Variants in ZBTB32 observed in about 807,000 individuals in gnomAD.
ZBTB32 encodes the protein zinc finger and BTB domain containing 32.
A neutral mutation model predicts 45.3 loss-of-function variants in ZBTB32; 28 were observed. That is an observed-to-expected ratio of 0.62 (90% CI 0.46 to 0.85). The LOEUF is 0.85. Among genes scored for constraint, ZBTB32 ranks in the 40% least tolerant of loss-of-function variants. The pLI, the probability that ZBTB32 is intolerant of heterozygous loss-of-function variation, is 0.00. For synonymous variants in ZBTB32, 283 were observed against 255.7 expected, an observed-to-expected ratio of 1.11 and a Z score of -1.02; for missense variants, 587 against 624.4, an observed-to-expected ratio of 0.94 and a Z score of 0.64.
intron 1 of ZBTB32, among the ~76,000 whole-genome samples, chr19:35,706,501 C>G (rs981121531): frequency 6.6e-6 from 1 of 151,916 alleles, no homozygotes; most frequent in African/African-American, 2.4e-5. Flanking sequence ...GCAGGTGGAT[C>G]ACCTGAGGTC....
At chr19:35,707,812 T>G (rs1261470194) in intron 1 of ZBTB32, among the ~76,000 whole-genome samples, 1 of 151,996 alleles carries the variant, frequency 6.6e-6, no homozygotes, top group Non-Finnish European at 1.5e-5. Flanking sequence ...TAAAACCTCA[T>G]CTCTACTAAA....
intron 1 of ZBTB32, among the ~76,000 whole-genome samples, chr19:35,709,344 A>G (rs2146411482): frequency 6.6e-6 from 1 of 152,308 alleles, no homozygotes; most frequent in Non-Finnish European, 1.5e-5. Flanking sequence ...TTTTCACAAA[A>G]CAAATGATCA....
chr19:35,708,914 G>C (rs1224895772), intron 1 of ZBTB32, among the ~76,000 whole-genome samples: 2 of 151,874 alleles, frequency 1.3e-5, no homozygotes, highest in Non-Finnish European at 2.9e-5. Flanking sequence ...CACCTCCCGG[G>C]TTGAAGCGAT....
intron 1 of ZBTB32, 107 bp downstream of exon 1, chr19:35,704,730 G>A (rs1327285949): frequency 1.3e-5 from 2 of 152,344 alleles, no homozygotes; most frequent in African/African-American, 2.4e-5. Flanking sequence ...TGGGAAGTGC[G>A]GGTTGAGGGC....
At chr19:35,705,158 A>C (rs922859971) in intron 1 of ZBTB32, among the ~76,000 whole-genome samples, 2 of 152,052 alleles carry the variant, frequency 1.3e-5, no homozygotes, top group Admixed American at 1.3e-4. Flanking sequence ...TTCTAAAAAA[A>C]ATTACCTGGG....
Position 35,716,485 on chromosome 19 carries a change from G to A in ZBTB32, c.1197G>A (p.Lys399=). 1.9e-6 allele frequency: 3 copies of A among 1,604,716 alleles called. No homozygotes were observed. Among genetic ancestry groups the A allele is most frequent in the South Asian group, 2.2e-5 (2 of 90,782 alleles). Residue 399 remains lysine, a synonymous_variant, in exon 7 of 7, where the codon AAG becomes AAA. Transcript: ENST00000392197. ...CCCTTCCGACCGCTCTAGGAGAGAAGCCCTTCTCCTGTAGCCTTTGTCCTC... is the reference window on the plus strand; with the variant it reads ...CCCTTCCGACCGCTCTAGGAGAGAAACCCTTCTCCTGTAGCCTTTGTCCTC... The part of the protein sequence containing the change: ...ETHYRVHTGE[K]PFSCSLCPQR...
chr19:35,716,088 TG>T, intron 5 of ZBTB32, 44 bp from the exon 6 acceptor site: 1 of 1,611,874 alleles, frequency 6.2e-7, no homozygotes, highest in Non-Finnish European at 8.5e-7. Context: ...GAGTTGGCGC[TG>T]GGATTCCTGG....
intron 1 of ZBTB32, among the ~76,000 whole-genome samples, chr19:35,712,112 C>T (rs544677576): frequency 6.7e-6 from 1 of 150,242 alleles, no homozygotes; most frequent in Non-Finnish European, 1.5e-5. Flanking sequence ...CAGTACCTGA[C>T]TTGTTTATCT....
intron 1 of ZBTB32, among the ~76,000 whole-genome samples, chr19:35,712,187 C>T (rs955576142): frequency 1.3e-4 from 20 of 152,158 alleles, no homozygotes; most frequent in African/African-American, 4.1e-4. Context: ...ATCCGCTGGG[C>T]GCAGTGGCTC....
Position 35,715,181 on chromosome 19 carries a change from G to A in ZBTB32, c.555G>A (p.Gln185=), listed in dbSNP as rs773733471. 5.0e-6 allele frequency: 8 copies of A among 1,613,124 alleles called. No individual in the cohort carries two copies. The African/African-American group carries it at 1.1e-4, about 22-fold the overall frequency. The change falls in exon 3 of 7, where the codon CAG becomes CAA. Residue 185 remains glutamine, a synonymous_variant. Coordinates refer to ENST00000392197, the MANE Select transcript of ZBTB32 (RefSeq NM_014383.3). The stretch of plus-strand genomic sequence containing the variant: ...TGGCAGGAGCAACGCAGGAGGCTCA[G>A]CAGGAACAGACCAGGTCAAAGGAGA... The part of the protein sequence containing the change: ...PEMAGATQEA[Q]QEQTRSKEKR...
chr19:35,706,809 A>G (rs1198667834), intron 1 of ZBTB32, among the ~76,000 whole-genome samples: 2 of 152,168 alleles, frequency 1.3e-5, no homozygotes, highest in African/African-American at 4.8e-5. Context: ...GGGTGTTGAT[A>G]CCTAGTTTCA....
chr19:35,709,334 T>G (rs1018981155), intron 1 of ZBTB32, among the ~76,000 whole-genome samples: 1 of 152,186 alleles, frequency 6.6e-6, no homozygotes, highest in Non-Finnish European at 1.5e-5. Flanking sequence ...AGGGAGAACT[T>G]TTTCACAAAA....
Position 35,716,925 on chromosome 19 carries a change from G to C in ZBTB32, c.*173G>C. The C allele has an allele frequency of 1.4e-6, 1 of 705,270 alleles. No homozygotes were observed. Among genetic ancestry groups the C allele is most frequent in the Non-Finnish European group, 2.3e-6 (1 of 431,128 alleles). The allele number at this position is 705,270 out of a possible 1,614,324, so 43.7% of individuals were successfully genotyped here. On this transcript the variant is annotated 3_prime_UTR_variant, in exon 7 of 7. Transcript: ENST00000392197. ...GACGATCGCGGGTCGCAGAAGCCCA[G>C]GCCAGCGAGCCCTACAGAGTGAGGA...
intron 2 of ZBTB32, chr19:35,713,257 A>G (rs1968749626): frequency 6.6e-6 from 1 of 152,220 alleles, no homozygotes; most frequent in Admixed American, 6.5e-5. Context: ...CTGGAGGTAG[A>G]GGGGGTGGTC....
In ZBTB32 at chr19:35,714,548, C is replaced by A; in HGVS notation, c.-79C>A. The A allele has an allele frequency of 2.2e-6, 3 of 1,393,848 alleles. No homozygotes were observed. The highest frequency in any genetic ancestry group is 2.9e-6 in the Non-Finnish European group (3 of 1,048,292). The allele number at this position is 1,393,848 out of a possible 1,614,324, so 86.3% of individuals were successfully genotyped here. On this transcript the variant is annotated 5_prime_UTR_variant, in exon 3 of 7. Transcript: ENST00000392197. ...GCTTGAAATGAGATGAGATGTTCCT[C>A]CCTCCCCTTTCAACCATGGACCTCA...
intron 1 of ZBTB32, among the ~76,000 whole-genome samples, chr19:35,705,108 C>T (rs1968506071): frequency 6.6e-6 from 1 of 152,034 alleles, no homozygotes; most frequent in South Asian, 2.1e-4. Flanking sequence ...GAGTTTGAGA[C>T]CAGCCTGGCC....
intron 2 of ZBTB32, chr19:35,713,395 G>C (rs569499659): frequency 2.0e-5 from 3 of 152,456 alleles, no homozygotes; most frequent in African/African-American, 7.2e-5. Flanking sequence ...CTCCAGGGGG[G>C]GCCCCAGGAG....
intron 1 of ZBTB32, among the ~76,000 whole-genome samples, chr19:35,706,560 A>G (rs1238307523): frequency 6.6e-6 from 1 of 152,046 alleles, no homozygotes; most frequent in East Asian, 1.9e-4. Context: ...CATCTCTACT[A>G]AAAATGCAAA....
At position 35,714,527 on chromosome 19, in the gene ZBTB32, G is replaced by C. The variant is rs1271111050; in HGVS notation, c.-100G>C. 1.5e-6 allele frequency: 2 copies of C among 1,326,132 alleles called. No homozygotes were observed. Among genetic ancestry groups the C allele is most frequent in the South Asian group, 1.8e-5 (1 of 55,200 alleles). 82.1% of individuals were successfully genotyped at this position (1,326,132 alleles called of 1,614,324 possible). A position where few individuals can be genotyped will look rare whatever the true frequency, so the allele number is the denominator to read the frequency against. On this transcript the variant is annotated 5_prime_UTR_variant, in exon 3 of 7. Transcript: ENST00000392197. Reference sequence around the variant, plus strand: ...CCTCTCCCCTCACATCCACAGGCTTGAAATGAGATGAGATGTTCCTCCCTC... The same window carrying C: ...CCTCTCCCCTCACATCCACAGGCTTCAAATGAGATGAGATGTTCCTCCCTC...
Sources: gnomAD v4.1 joint callset for allele counts (sites outside exome capture counted in the v4.1 genomes callset) on GRCh38, gnomAD v4.1.1 for gene constraint, MANE v1.5 for transcripts, NCBI Gene and HGNC (gene_info 2026-07-23, HGNC 2026-07-21) for gene names.